The following MDN1 variants were observed in gnomAD, a reference collection of about 807,000 sequenced individuals.
MDN1 encodes the protein midasin.
MDN1 carries 266 observed loss-of-function variants against 669.2 expected under a neutral mutation model. That is an observed-to-expected ratio of 0.40 (90% CI 0.36 to 0.44). The LOEUF (loss-of-function observed/expected upper bound fraction) is 0.44. Among genes scored for constraint, MDN1 ranks in the 20% least tolerant of loss-of-function variants. MDN1 has a pLI of 1.00. For synonymous variants in MDN1, 2,385 were observed against 2,457.1 expected (o/e 0.97, Z 0.87); for missense variants, 5,940 against 6,754.0 (o/e 0.88, Z 4.22).
intron 15 of MDN1, among the ~76,000 whole-genome samples, chr6:89,769,170 G>T (rs557563576): frequency 6.6e-6 from 1 of 152,102 alleles, no homozygotes; most frequent in Non-Finnish European, 1.5e-5. Flanking sequence ...CACGGCCTGA[G>T]GATAGGAATA....
chr6:89,794,822 G>A lies in MDN1; in HGVS notation c.330-21C>T, dbSNP rs924430523. ...CAAACCTTCAAACACAAAGAATACA[G>A]ACATCCCCAACTTAACAATGGTTGG... On this transcript the variant is annotated intron_variant, in intron 2 of 101. Transcript: ENST00000369393. 5 of 1,595,562 alleles carry A rather than the reference G, an allele frequency of 3.1e-6. No homozygotes were observed. In the African/African-American group the frequency reaches 6.7e-5, roughly 21 times the overall value.
intron 22 of MDN1, 72 bp downstream of exon 22, chr6:89,753,440 A>G (rs563250395): frequency 8.2e-7 from 1 of 1,220,098 alleles, no homozygotes; most frequent in Non-Finnish European, 1.2e-6. Context: ...GAAAAAAAAA[A>G]AACCAAACAG....
intron 7 of MDN1, among the ~76,000 whole-genome samples, chr6:89,789,125 CAA>C (rs35244860): frequency 4.5e-4 from 65 of 144,732 alleles, no homozygotes; most frequent in Admixed American, 7.5e-4. Flanking sequence ...CTCTGTCTCA[CAA>C]AAAAAAAAAA....
At chr6:89,804,495 T>A (rs1767884154) in intron 1 of MDN1, among the ~76,000 whole-genome samples, 1 of 152,122 alleles carries the variant, frequency 6.6e-6, no homozygotes, top group Admixed American at 6.6e-5. Flanking sequence ...GTTTCAACAA[T>A]CTCCAGGGAA....
At position 89,680,755 on chromosome 6, in the gene MDN1, T is replaced by G. The variant is rs143231473; in HGVS notation, c.12103-4A>C. On this transcript the variant is annotated splice_region_variant and splice_polypyrimidine_tract_variant and intron_variant, in intron 73 of 101. Transcript: ENST00000369393. ...GACACCACTCTGGAATTGTGGCCTG[T>G]GAGACAAAAGACAGGTTAGCCTCAC... The G allele has an allele frequency of 6.2e-6, 10 of 1,613,276 alleles. No individual in the cohort carries two copies. The East Asian group carries it at 2.2e-4, about 36-fold the overall frequency.
rs961256652 is a variant in MDN1 at position 89,796,096 on chromosome 6, A to G, written c.330-1295T>C. ...TCCCAGCACTTTGGGAGGCTGAGGT[A>G]GGCAGATCACTTTAGGTAAGGAGTT... On this transcript the variant is annotated intron_variant, in intron 2 of 101. Transcript: ENST00000369393. Among the ~76,000 whole-genome samples the G allele has an allele frequency of 2.0e-5, 3 of 151,886 alleles. No homozygotes were observed. In the South Asian group the frequency reaches 6.2e-4, roughly 32 times the overall value.
At chr6:89,746,611 A>AAAGAAAGAAAG (rs1554191095) in intron 27 of MDN1, among the ~76,000 whole-genome samples, 18 of 40,534 alleles carry the variant, frequency 4.4e-4, no homozygotes, top group African/African-American at 1.6e-3. Context: ...AAAAAAAAAA[A>AAAGAAAGAAAG]AAAGAAAGAA....
chr6:89,672,437 AG>A, intron 81 of MDN1, 74 bp from the exon 82 acceptor site: 1 of 1,593,964 alleles, frequency 6.3e-7, no homozygotes, highest in Non-Finnish European at 8.5e-7. Flanking sequence ...CTATCCATGC[AG>A]TTATCTGTTT....
At chr6:89,794,361 C>G (rs796946784) in intron 3 of MDN1, among the ~76,000 whole-genome samples, 154 bp from the exon 4 acceptor site, 2 of 152,174 alleles carry the variant, frequency 1.3e-5, no homozygotes, top group East Asian at 3.8e-4. Flanking sequence ...AATGGATTTA[C>G]TTGATGGAAC....
intron 2 of MDN1, among the ~76,000 whole-genome samples, chr6:89,800,226 G>A (rs767834845): frequency 1.3e-5 from 2 of 151,972 alleles, no homozygotes; most frequent in Non-Finnish European, 2.9e-5. Flanking sequence ...TCGGGAGTTC[G>A]AGACCAGCCT....
intron 2 of MDN1, among the ~76,000 whole-genome samples, chr6:89,795,704 A>G (rs536971829): frequency 6.6e-6 from 1 of 152,366 alleles, no homozygotes; most frequent in South Asian, 2.1e-4. Context: ...CCGTAATCCC[A>G]GCACTTTCGG....
intron 80 of MDN1, 105 bp from the exon 81 acceptor site, chr6:89,672,807 C>G (rs1810908365): frequency 7.5e-6 from 9 of 1,204,344 alleles, no homozygotes; most frequent in Non-Finnish European, 1.0e-5. Context: ...TGATGAGCCA[C>G]TGTGTCAAGC....
chr6:89,817,790 G>A (rs1768940826), intron 1 of MDN1, among the ~76,000 whole-genome samples: 1 of 151,980 alleles, frequency 6.6e-6, no homozygotes, highest in Non-Finnish European at 1.5e-5. Flanking sequence ...CAACCAGTCT[G>A]GGGCAGGGTT....
At chr6:89,718,332 TA>T in intron 43 of MDN1, 33 bp downstream of exon 43, 2 of 1,593,610 alleles carry the variant, frequency 1.3e-6, no homozygotes, top group East Asian at 4.5e-5. Flanking sequence ...TAAGCAATGG[TA>T]AGTTCCTGAT....
chr6:89,684,904 A>T lies in MDN1; in HGVS notation c.11801T>A (p.Leu3934His), dbSNP rs1484564865. The T allele has an allele frequency of 6.2e-7, 1 of 1,611,138 alleles. No individual in the cohort carries two copies. The highest frequency in any genetic ancestry group is 2.2e-5 in the East Asian group (1 of 44,868). The change falls in exon 71 of 102, where the codon CTT (leucine) becomes CAT (histidine). Residue 3934 changes from leucine to histidine, a missense_variant. By Grantham distance (99) the Leu-to-His change is moderately conservative (BLOSUM62 -3). Transcript: ENST00000369393. ...AAGTTCTTTTTCTAGGGGGGAACGA[A>T]GTTCCACAATTTTGGCCTGGACCCG... is the stretch of plus-strand genomic sequence containing the variant. ...FDRVQAKIVE[L>H]RSPLEKELKE...
In MDN1 at chr6:89,712,228, C is replaced by G; in HGVS notation, c.7459G>C (p.Glu2487Gln). 1.2e-6 allele frequency: 2 copies of G among 1,614,000 alleles called. No individual in the cohort carries two copies. The highest frequency in any genetic ancestry group is 1.7e-6 in the Non-Finnish European group (2 of 1,179,974). Residue 2487 changes from glutamate (E) to glutamine (Q), a missense_variant, in exon 49 of 102, where the codon GAG becomes CAG. Glu to Gln is a conservative substitution (Grantham distance 29). Coordinates refer to ENST00000369393, the MANE Select transcript of MDN1 (RefSeq NM_014611.3). ...GGGCTGGGGGACTGCATAATTTTCT[C>G]TAAGTCTTGCAAGGTAAAAGGCTGA... ...RSQPFTLQDL[E>Q]KIMQSPSPEN...
chr6:89,814,744 G>A (rs572159996), intron 1 of MDN1: 13 of 374,584 alleles, frequency 3.5e-5, no homozygotes, highest in East Asian at 7.5e-5. Flanking sequence ...AGGAGCAGCC[G>A]CTGGACAGCA....
intron 81 of MDN1, 64 bp from the exon 82 acceptor site, chr6:89,672,427 C>G: frequency 6.3e-7 from 1 of 1,599,500 alleles, no homozygotes; most frequent in East Asian, 2.2e-5. Flanking sequence ...CCTTTTATCT[C>G]TATCCATGCA....
chr6:89,810,518 C>G (rs908504257), intron 1 of MDN1, among the ~76,000 whole-genome samples: 1 of 152,148 alleles, frequency 6.6e-6, no homozygotes, highest in African/African-American at 2.4e-5. Context: ...AGTCCAAGAT[C>G]AGGGTGTCAG....
Sources: gnomAD v4.1 joint callset for allele counts (sites outside exome capture counted in the v4.1 genomes callset) on GRCh38, gnomAD v4.1.1 for gene constraint, MANE v1.5 for transcripts, NCBI Gene and HGNC (gene_info 2026-07-23, HGNC 2026-07-21) for gene names.